The following TEX52 variants were observed in gnomAD, a reference collection of about 807,000 sequenced individuals.
TEX52 encodes the protein testis-expressed protein 52.
A neutral mutation model predicts 17.6 loss-of-function variants in TEX52; 22 were observed. The ratio of observed to expected loss-of-function variants is 1.25; its 90% CI spans 0.89 to 1.78. TEX52 has a LOEUF of 1.78. Among genes scored for constraint, TEX52 ranks in the 40% most tolerant of loss-of-function variants. The pLI is 0.00. For synonymous variants in TEX52, 168 were observed against 147.4 expected, an observed-to-expected ratio of 1.14 and a Z score of -1.01; for missense variants, 396 against 372.3, an observed-to-expected ratio of 1.06 and a Z score of -0.52.
chr12:2,853,340 T>C (rs2098076959), intron 2 of TEX52, among the ~76,000 whole-genome samples: 1 of 152,068 alleles, frequency 6.6e-6, no homozygotes, highest in South Asian at 2.1e-4. Context: ...CAGTGGCGTG[T>C]TGGCTCACTG....
Position 2,849,545 on chromosome 12 carries a change from G to T in TEX52, c.624-20C>A. 6.5e-7 allele frequency: 1 copy of T among 1,535,754 alleles called. No individual in the cohort carries two copies. Among genetic ancestry groups the T allele is most frequent in the South Asian group, 1.2e-5 (1 of 83,966 alleles). On this transcript the variant is annotated intron_variant, in intron 2 of 2. Transcript: ENST00000637658. ...CGGTACCTGTTGGGAGAAGGGTATG[G>T]AGAGAACAGAGAGATCAAAGAAGAG...
chr12:2,850,978 CT>C (rs35125854), intron 2 of TEX52, among the ~76,000 whole-genome samples: 2,303 of 81,690 alleles, frequency 0.028, 8 homozygotes, highest in East Asian at 0.16. Context: ...GGCCCAGAGT[CT>C]TTTTTTTTTT....
intron 2 of TEX52, among the ~76,000 whole-genome samples, chr12:2,851,063 A>G (rs2098069283): frequency 8.2e-6 from 1 of 122,314 alleles, no homozygotes; most frequent in African/African-American, 3.2e-5. Flanking sequence ...GCTACTTGGG[A>G]GGCTGAGCCA....
chr12:2,852,172 A>G (rs1565449678), intron 2 of TEX52, among the ~76,000 whole-genome samples: 2 of 152,134 alleles, frequency 1.3e-5, no homozygotes, highest in Non-Finnish European at 2.9e-5. Context: ...TGGGGACCTA[A>G]TTCCTTGTCT....
At chr12:2,855,738 C>T (rs935728304) in intron 1 of TEX52, among the ~76,000 whole-genome samples, 1 of 152,178 alleles carries the variant, frequency 6.6e-6, no homozygotes, top group Non-Finnish European at 1.5e-5. Context: ...CCTTCACCTC[C>T]CTCCTCCGTT....
chr12:2,850,771 C>G (rs1314267182), intron 2 of TEX52, among the ~76,000 whole-genome samples: 1 of 151,712 alleles, frequency 6.6e-6, no homozygotes, highest in African/African-American at 2.4e-5. Flanking sequence ...CTCCCAGGCT[C>G]AAGTGATTCT....
In TEX52 at chr12:2,854,877, TG is replaced by T; in HGVS notation, c.623+18del. 6.6e-7 allele frequency: 1 copy of T among 1,521,546 alleles called. No homozygotes were observed. The highest frequency in any genetic ancestry group is 8.8e-7 in the Non-Finnish European group (1 of 1,137,944). 94.3% of individuals were successfully genotyped at this position (1,521,546 alleles called of 1,614,324 possible). ...GGCAGGGCAGGCTGGGTGGGCTCCC[TG>T]AGGAGGCACCGTCTTACTTCTTGAA... On this transcript the variant is annotated intron_variant, in intron 2 of 2. Transcript: ENST00000637658.
chr12:2,850,286 C>T (rs532765620), intron 2 of TEX52, among the ~76,000 whole-genome samples: 16 of 151,990 alleles, frequency 1.1e-4, no homozygotes, highest in African/African-American at 3.6e-4. Flanking sequence ...CCAGCCTGGC[C>T]GACATGATGA....
Position 2,855,310 on chromosome 12 carries a change from C to G in TEX52, c.209G>C (p.Cys70Ser). 1 of 1,531,696 alleles carries G rather than the reference C, an allele frequency of 6.5e-7. No individual in the cohort carries two copies. Among genetic ancestry groups the G allele is most frequent in the South Asian group, 1.2e-5 (1 of 83,882 alleles). The allele number at this position is 1,531,696 out of a possible 1,614,324, so 94.9% of individuals were successfully genotyped here. Residue 70 changes from cysteine (C) to serine (S), a missense_variant, in exon 2 of 3, where the codon TGC becomes TCC. Coordinates refer to ENST00000637658, the MANE Select transcript of TEX52 (RefSeq NM_001365174.2). ...YHQLALKLPP[C>S]TDMKSKVRQR... ...ACGCACCTTGGACTTCATATCTGTG[C>G]AGGGCGGCAGCTTCAGAGCCAGCTG...
At chr12:2,854,835 G>A (rs896154766) in intron 2 of TEX52, 61 bp downstream of exon 2, 5 of 1,452,768 alleles carry the variant, frequency 3.4e-6, no homozygotes, top group African/African-American at 2.8e-5. Flanking sequence ...GAACCTGAGA[G>A]AGGGAGGGGT....
Position 2,850,953 on chromosome 12 carries a change from T to A in TEX52, c.624-1428A>T, listed in dbSNP as rs147615717. The stretch of plus-strand genomic sequence containing the variant: ...TCCCAAAGTGCTGAGATTACAAGCA[T>A]GAGCCAACACACCAGGCCCAGAGTC... On this transcript the variant is annotated intron_variant, in intron 2 of 2. Transcript: ENST00000637658. Among the ~76,000 whole-genome samples, 1,457 of 150,194 alleles carry A rather than the reference T, an allele frequency of 9.7e-3. 22 individuals are homozygous for A. Among genetic ancestry groups the A allele is most frequent in the African/African-American group, 0.033 (1,353 of 40,652 alleles).
chr12:2,848,634 C>T (rs1166917074), downstream of TEX52, among the ~76,000 whole-genome samples: 1 of 152,150 alleles, frequency 6.6e-6, no homozygotes, highest in Non-Finnish European at 1.5e-5. Flanking sequence ...CCAGCCCTGA[C>T]CTGACCTCTC....
At chr12:2,852,050 G>GT (rs925562970) in intron 2 of TEX52, among the ~76,000 whole-genome samples, 272 of 149,686 alleles carry the variant, frequency 1.8e-3, no homozygotes, top group African/African-American at 5.8e-3. Context: ...TCAGGCAGGA[G>GT]TTTTTTTTTT....
At chr12:2,848,235 A>G (rs2098058714), downstream of TEX52, among the ~76,000 whole-genome samples, 1 of 152,188 alleles carries the variant, frequency 6.6e-6, no homozygotes, top group Non-Finnish European at 1.5e-5. Flanking sequence ...GAAGCCCAGC[A>G]GGTGTGACCA....
At chr12:2,852,905 A>G (rs989025816) in intron 2 of TEX52, among the ~76,000 whole-genome samples, 2 of 151,748 alleles carry the variant, frequency 1.3e-5, no homozygotes, top group Non-Finnish European at 2.9e-5. Flanking sequence ...AGGCTGAGGC[A>G]GGGAGAATGG....
intron 2 of TEX52, 67 bp downstream of exon 2, chr12:2,854,829 C>G: frequency 6.9e-7 from 1 of 1,439,912 alleles, no homozygotes; most frequent in Non-Finnish European, 9.2e-7. Flanking sequence ...AAACAGGAAC[C>G]TGAGAGAGGG....
Position 2,855,112 on chromosome 12 carries a change from T to C in TEX52, c.407A>G (p.Glu136Gly). Residue 136 changes from glutamate (E) to glycine (G), a missense_variant, in exon 2 of 3, where the codon GAG (glutamate) becomes GGG (glycine). Transcript: ENST00000637658. ...DSNAHRCPPT[E>G]HPIPPPSWMG... ...CCAGGAGGGAGGGGGGATGGGGTGCTCCGTGGGGGGGCATCTGTGGGCATT... is the reference window on the plus strand; with the variant it reads ...CCAGGAGGGAGGGGGGATGGGGTGCCCCGTGGGGGGGCATCTGTGGGCATT... 1 of 1,533,054 alleles carries C rather than the reference T, an allele frequency of 6.5e-7. No homozygotes were observed. The highest frequency in any genetic ancestry group is 2.5e-5 in the East Asian group (1 of 40,770). The allele number at this position is 1,533,054 out of a possible 1,614,324, so 95.0% of individuals were successfully genotyped here. A position where few individuals can be genotyped will look rare whatever the true frequency, so the allele number is the denominator to read the frequency against.
intron 2 of TEX52, among the ~76,000 whole-genome samples, chr12:2,853,327 G>C (rs1407029104): frequency 1.3e-5 from 2 of 152,048 alleles, no homozygotes; most frequent in South Asian, 2.1e-4. Context: ...CCAGGCTGGA[G>C]TGCAGTGGCG....
At position 2,856,998 on chromosome 12, in the gene TEX52, CTGAG is replaced by C. The variant is rs1475056022; in HGVS notation, c.25_28del (p.Leu9GlufsTer56). On this transcript the variant is annotated frameshift_variant, in exon 1 of 3. Coordinates refer to ENST00000637658, the MANE Select transcript of TEX52 (RefSeq NM_001365174.2). LOFTEE classifies it high-confidence loss of function. ...CATATGAGATGGGTGACTGGGCCCTCTGAGTGATCTTTGCCGGTTACTGGCCATT... is the reference window on the plus strand; with the variant it reads ...CATATGAGATGGGTGACTGGGCCCTCTGATCTTTGCCGGTTACTGGCCATT... 7.1e-6 allele frequency: 5 copies of C among 703,008 alleles called. No homozygotes were observed. Among genetic ancestry groups the C allele is most frequent in the South Asian group, 1.5e-5 (1 of 67,600 alleles). The allele number at this position is 703,008 out of a possible 1,614,324, so 43.5% of individuals were successfully genotyped here. A position where few individuals can be genotyped will look rare whatever the true frequency, so the allele number is the denominator to read the frequency against.
Sources: allele counts gnomAD v4.1 joint callset (sites outside exome capture counted in the v4.1 genomes callset), GRCh38; gene constraint gnomAD v4.1.1; transcripts MANE v1.5; gene names NCBI Gene and HGNC (gene_info 2026-07-23, HGNC 2026-07-21).